Variants in CCL26 observed in about 807,000 individuals in gnomAD.
CCL26 encodes C-C motif chemokine 26.
A neutral mutation model predicts 10.7 loss-of-function variants in CCL26; 10 were observed. The observed-to-expected ratio is 0.93, with a 90% CI of 0.57 to 1.58. The LOEUF (loss-of-function observed/expected upper bound fraction) is 1.58. Among genes scored for constraint, CCL26 ranks in the 40% most tolerant of loss-of-function variants. The probability of loss-of-function intolerance (pLI) is 0.00; values close to 1 mark genes in which losing one functional copy is unlikely to be tolerated. For missense variants in CCL26, 116 were observed against 111.0 expected (o/e 1.05, Z -0.20); for synonymous variants, 43 against 41.4 (o/e 1.04, Z -0.15).
upstream of CCL26, among the ~76,000 whole-genome samples, chr7:75,790,595 A>G (rs1803311315): frequency 6.6e-6 from 1 of 151,810 alleles, no homozygotes; most frequent in Non-Finnish European, 1.5e-5. Context: ...GGATTTTAAT[A>G]TAGTTTTATT....
intron 1 of CCL26, among the ~76,000 whole-genome samples, chr7:75,785,712 G>A (rs1803169220): frequency 6.7e-6 from 1 of 148,326 alleles, no homozygotes; most frequent in Non-Finnish European, 1.5e-5. Flanking sequence ...AAACCTAGCT[G>A]ACCCTATCGA....
upstream of CCL26, among the ~76,000 whole-genome samples, chr7:75,776,513 AAAGGAAGGAAGG>A (rs58177095): frequency 0.25 from 27,328 of 108,488 alleles, 4,211 homozygotes; most frequent in African/African-American, 0.29. Context: ...TGCACTCCAA[AAAGGAAGGAAGG>A]AAGGAAGGAA....
chr7:75,789,422 CTT>C (rs1803273611), intron 1 of CCL26, among the ~76,000 whole-genome samples: 1 of 150,452 alleles, frequency 6.6e-6, no homozygotes, highest in African/African-American at 2.4e-5. Flanking sequence ...CTCTCTCTCT[CTT>C]TGCCACTCTT....
chr7:75,788,064 T>C (rs1284708446), intron 1 of CCL26, among the ~76,000 whole-genome samples: 2 of 151,948 alleles, frequency 1.3e-5, no homozygotes, highest in East Asian at 1.9e-4. Context: ...CTGAGAAATA[T>C]CGCCCATTAT....
upstream of CCL26, chr7:75,772,227 G>C (rs1554528248): frequency 2.2e-6 from 3 of 1,372,954 alleles, no homozygotes; most frequent in South Asian, 3.7e-5. Context: ...CCTCCTGCCT[G>C]ATCCCCTTTT....
upstream of CCL26, among the ~76,000 whole-genome samples, chr7:75,773,490 A>G (rs1802874178): frequency 6.6e-6 from 1 of 152,136 alleles, no homozygotes; most frequent in African/African-American, 2.4e-5. Flanking sequence ...TCTTGGCTCA[A>G]GTGACTGTCT....
At chr7:75,789,874 A>G (rs370327637) in exon 1 of CCL26, 10 of 152,168 alleles carry the variant, frequency 6.6e-5, no homozygotes, top group Middle Eastern at 3.4e-3. Context: ...CCATTCCCAA[A>G]TAACTCACAT....
chr7:75,778,228 T>G (rs183218159), intron 1 of CCL26, among the ~76,000 whole-genome samples: 344 of 150,566 alleles, frequency 2.3e-3, no homozygotes, highest in Admixed American at 3.7e-3. Context: ...TTTTAAATGT[T>G]TTGTTCTAAT....
upstream of CCL26, among the ~76,000 whole-genome samples, chr7:75,774,941 C>T (rs556871766): frequency 2.0e-5 from 3 of 151,560 alleles, no homozygotes; most frequent in East Asian, 5.9e-4. Flanking sequence ...AATTATTGGT[C>T]GGGCCCGGTG....
chr7:75,790,279 CTTTCT>C (rs1305921291), upstream of CCL26, among the ~76,000 whole-genome samples: 1 of 140,544 alleles, frequency 7.1e-6, no homozygotes, highest in Non-Finnish European at 1.5e-5. Flanking sequence ...CTTTCTCTCT[CTTTCT>C]TTTCTTTTTC....
At chr7:75,773,838 G>A (rs566060835), upstream of CCL26, among the ~76,000 whole-genome samples, 6 of 151,504 alleles carry the variant, frequency 4.0e-5, no homozygotes, top group Non-Finnish European at 8.8e-5. Context: ...AGCCAAGATC[G>A]TGCCATTGCA....
chr7:75,776,681 G>A (rs1285844112), upstream of CCL26, among the ~76,000 whole-genome samples: 1 of 152,044 alleles, frequency 6.6e-6, no homozygotes, highest in African/African-American at 2.4e-5. Context: ...AACCCACATG[G>A]TGAATATAAA....
At chr7:75,788,621 C>A (rs1803254748) in intron 1 of CCL26, among the ~76,000 whole-genome samples, 2 of 151,766 alleles carry the variant, frequency 1.3e-5, no homozygotes, top group Admixed American at 6.6e-5. Flanking sequence ...CGTCTGTAAT[C>A]CCAGCTACTC....
chr7:75,776,581 G>C (rs1414543384), upstream of CCL26, among the ~76,000 whole-genome samples: 1 of 115,654 alleles, frequency 8.6e-6, no homozygotes, highest in African/African-American at 3.1e-5. Flanking sequence ...AGGAAGGAAG[G>C]AAGAAGGAAA....
At chr7:75,787,624 G>T (rs1311940852) in intron 1 of CCL26, among the ~76,000 whole-genome samples, 1 of 114,526 alleles carries the variant, frequency 8.7e-6, no homozygotes, top group East Asian at 3.0e-4. Flanking sequence ...CAGCCTGGGC[G>T]ACAGAGTGAG....
At chr7:75,777,570 A>T (rs1227061890) in intron 1 of CCL26, among the ~76,000 whole-genome samples, 9 of 151,878 alleles carry the variant, frequency 5.9e-5, no homozygotes, top group African/African-American at 2.2e-4. Flanking sequence ...CAATATAGCA[A>T]GACTCCATCT....
upstream of CCL26, among the ~76,000 whole-genome samples, chr7:75,790,309 G>T (rs565704969): frequency 6.9e-6 from 1 of 145,624 alleles, no homozygotes; most frequent in Admixed American, 7.0e-5. Context: ...CTTTGCAGTG[G>T]TGCAATCATA....
upstream of CCL26, among the ~76,000 whole-genome samples, chr7:75,791,174 C>G (rs1397332327): frequency 1.3e-5 from 2 of 151,672 alleles, no homozygotes; most frequent in Non-Finnish European, 2.9e-5. Flanking sequence ...TTACAGGCAC[C>G]CGCCACCACA....
At position 75,771,988 on chromosome 7, in the gene CCL26, G is replaced by A. The variant is rs1563334911; in HGVS notation, c.89C>T (p.Ser30Phe). ...LGTATRGSDI[S>F]KTCCFQYSHK... ...GCTGTATTGGAAGCAGCAGGTCTTG[G>A]ATATGTCACTCCCACCTAAAAATCA... is the stretch of plus-strand genomic sequence containing the variant. The change falls in exon 2 of 3, where the codon TCC becomes TTC. Residue 30 changes from serine to phenylalanine, a missense_variant. Coordinates refer to ENST00000005180, the MANE Select transcript of CCL26 (RefSeq NM_001371938.1). 6.2e-7 allele frequency: 1 copy of A among 1,613,748 alleles called. No homozygotes were observed.
Sources: gnomAD v4.1 joint callset for allele counts (sites outside exome capture counted in the v4.1 genomes callset) on GRCh38, gnomAD v4.1.1 for gene constraint, MANE v1.5 for transcripts, NCBI Gene and HGNC (gene_info 2026-07-23, HGNC 2026-07-21) for gene names.